CMTM8: variants seen among roughly 807,000 people sequenced by gnomAD.
CMTM8 encodes CKLF-like MARVEL transmembrane domain-containing protein 8.
CMTM8 carries 12 observed loss-of-function variants against 18.6 expected under a neutral mutation model. The ratio of observed to expected loss-of-function variants is 0.65; its 90% CI spans 0.41 to 1.05. The LOEUF is 1.05. Ranked by LOEUF, CMTM8 falls within the 50% of genes least tolerant of loss-of-function variation. CMTM8 has a pLI of 0.00. For synonymous variants in CMTM8, 87 were observed against 90.6 expected, an observed-to-expected ratio of 0.96 and a Z score of 0.23; for missense variants, 217 against 227.2, an observed-to-expected ratio of 0.95 and a Z score of 0.29.
At chr3:32,320,469 G>A (rs1326549149) in intron 1 of CMTM8, among the ~76,000 whole-genome samples, 2 of 152,196 alleles carry the variant, frequency 1.3e-5, no homozygotes, top group African/African-American at 4.8e-5. Context: ...TTGGCCTGAG[G>A]GTGGTAGGGG....
intron 1 of CMTM8, among the ~76,000 whole-genome samples, chr3:32,305,324 G>A (rs985901240): frequency 5.4e-5 from 8 of 148,122 alleles, no homozygotes; most frequent in African/African-American, 1.5e-4. Flanking sequence ...TCAGCCTCCC[G>A]GGTTCACGCC....
chr3:32,282,555 C>G (rs1702623551), intron 1 of CMTM8, among the ~76,000 whole-genome samples: 1 of 152,170 alleles, frequency 6.6e-6, no homozygotes, highest in Non-Finnish European at 1.5e-5. Flanking sequence ...GCCAAACTAA[C>G]ATCCTCTCTT....
intron 1 of CMTM8, among the ~76,000 whole-genome samples, chr3:32,324,926 G>T (rs968661593): frequency 6.6e-6 from 1 of 152,246 alleles, no homozygotes; most frequent in African/African-American, 2.4e-5. Flanking sequence ...GCAGAGTTAT[G>T]TTAAGAAGTT....
intron 1 of CMTM8, among the ~76,000 whole-genome samples, chr3:32,262,662 A>G (rs1702273793): frequency 6.6e-6 from 1 of 152,256 alleles, no homozygotes; most frequent in African/African-American, 2.4e-5. Flanking sequence ...ATAATGAGAA[A>G]GATAATGACG....
At chr3:32,268,037 G>A (rs550338129) in intron 1 of CMTM8, among the ~76,000 whole-genome samples, 3 of 152,320 alleles carry the variant, frequency 2.0e-5, no homozygotes, top group Non-Finnish European at 4.4e-5. Flanking sequence ...TCAATGTGGC[G>A]ATTCCTCAAG....
intron 1 of CMTM8, among the ~76,000 whole-genome samples, chr3:32,274,425 G>A (rs982241543): frequency 7.2e-5 from 11 of 152,210 alleles, no homozygotes; most frequent in African/African-American, 1.9e-4. Flanking sequence ...AGTTCAAGGC[G>A]CTAAGAAAAG....
intron 1 of CMTM8, among the ~76,000 whole-genome samples, chr3:32,330,448 A>G (rs1236582308): frequency 6.6e-6 from 1 of 151,958 alleles, no homozygotes; most frequent in Non-Finnish European, 1.5e-5. Flanking sequence ...TAACCACTGC[A>G]CTCCAGGCTG....
chr3:32,298,229 T>C (rs957241840), intron 1 of CMTM8, among the ~76,000 whole-genome samples: 1 of 151,504 alleles, frequency 6.6e-6, no homozygotes, highest in African/African-American at 2.4e-5. Flanking sequence ...CCCACCACCA[T>C]GCCCAGCTAA....
At chr3:32,345,937 C>G (rs1696587379) in intron 1 of CMTM8, among the ~76,000 whole-genome samples, 1 of 152,184 alleles carries the variant, frequency 6.6e-6, no homozygotes, top group Non-Finnish European at 1.5e-5. Context: ...GGCAGATCAC[C>G]TGAGGTCAGG....
At chr3:32,339,025 C>T (rs1041537258) in intron 1 of CMTM8, among the ~76,000 whole-genome samples, 3 of 152,340 alleles carry the variant, frequency 2.0e-5, no homozygotes, top group African/African-American at 7.2e-5. Context: ...TGCAAGGCTG[C>T]TTGAGTGTCC....
At chr3:32,277,394 A>G (rs1012788306) in intron 1 of CMTM8, among the ~76,000 whole-genome samples, 4 of 145,546 alleles carry the variant, frequency 2.7e-5, no homozygotes, top group Admixed American at 6.9e-5. Flanking sequence ...TTCTTTTTTT[A>G]TTTTCCTTTT....
At chr3:32,335,334 T>C (rs759300831) in intron 1 of CMTM8, among the ~76,000 whole-genome samples, 2 of 152,168 alleles carry the variant, frequency 1.3e-5, no homozygotes, top group African/African-American at 2.4e-5. Context: ...TCCTGATGGA[T>C]GTAGACAAAG....
intron 1 of CMTM8, among the ~76,000 whole-genome samples, chr3:32,321,369 A>G (rs1696048233): frequency 6.6e-6 from 1 of 152,116 alleles, no homozygotes; most frequent in South Asian, 2.1e-4. Flanking sequence ...TTGGGTGTGC[A>G]TGTGGACCCC....
chr3:32,275,325 A>G (rs551706304), intron 1 of CMTM8, among the ~76,000 whole-genome samples: 11 of 152,284 alleles, frequency 7.2e-5, no homozygotes, highest in South Asian at 2.1e-4. Flanking sequence ...GAGCAGAATG[A>G]CACAGAATTT....
rs183307858 is a variant in CMTM8 at position 32,321,476 on chromosome 3, A to G, written c.148-35897A>G. Among the ~76,000 whole-genome samples the G allele has an allele frequency of 1.2e-3, 188 of 151,738 alleles. 6 individuals carry two copies. The East Asian group carries it at 0.03, about 24-fold the overall frequency. On this transcript the variant is annotated intron_variant, in intron 1 of 3. Coordinates refer to ENST00000307526, the MANE Select transcript of CMTM8 (RefSeq NM_178868.5). ...GGATGAGTGTGCCCTCCCGAGTGGGAGCCCCCACCCTAGGACCCCCCAGAC... is the reference window on the plus strand; with the variant it reads ...GGATGAGTGTGCCCTCCCGAGTGGGGGCCCCCACCCTAGGACCCCCCAGAC...
chr3:32,309,316 T>C (rs1695775660), intron 1 of CMTM8, among the ~76,000 whole-genome samples: 1 of 146,894 alleles, frequency 6.8e-6, no homozygotes, highest in Admixed American at 6.8e-5. Flanking sequence ...TTTTTTTTTT[T>C]TTTTTTTTCG....
chr3:32,245,154 C>T (rs1701992906), intron 1 of CMTM8, among the ~76,000 whole-genome samples: 1 of 152,140 alleles, frequency 6.6e-6, no homozygotes, highest in African/African-American at 2.4e-5. Context: ...CAAACCTTTG[C>T]AATCCCATTC....
chr3:32,277,977 T>C (rs1041246178), intron 1 of CMTM8, among the ~76,000 whole-genome samples: 8 of 152,222 alleles, frequency 5.3e-5, no homozygotes, highest in African/African-American at 1.7e-4. Flanking sequence ...TTTTCTGTCA[T>C]GACAGTCAAA....
intron 1 of CMTM8, among the ~76,000 whole-genome samples, chr3:32,297,805 C>T (rs888735469): frequency 6.6e-6 from 1 of 151,954 alleles, no homozygotes; most frequent in African/African-American, 2.4e-5. Context: ...TTTTAAAATA[C>T]AGGTCTGTGG....
Sources: gnomAD v4.1 joint callset for allele counts (sites outside exome capture counted in the v4.1 genomes callset) on GRCh38, gnomAD v4.1.1 for gene constraint, MANE v1.5 for transcripts, NCBI Gene and HGNC (gene_info 2026-07-23, HGNC 2026-07-21) for gene names.